PDCL2: variants seen among roughly 807,000 people sequenced by gnomAD.
PDCL2 encodes phosducin like 2.
Under a neutral mutation model 30.3 loss-of-function variants are expected in PDCL2, and 23 were observed. The observed-to-expected ratio is 0.76, with a 90% CI of 0.55 to 1.08. PDCL2 has a LOEUF of 1.08. PDCL2 is among the 50% of genes least tolerant of loss of function. The pLI, the probability that PDCL2 is intolerant of heterozygous loss-of-function variation, is 0.00. For missense variants in PDCL2, 243 were observed against 282.3 expected (o/e 0.86, Z 1.00); for synonymous variants, 68 against 86.2 (o/e 0.79, Z 1.17).
intron 1 of PDCL2, among the ~76,000 whole-genome samples, chr4:55,590,650 C>A (rs28379213): frequency 0.012 from 1,557 of 129,618 alleles, 21 homozygotes; most frequent in African/African-American, 0.039. Flanking sequence ...CAATGTCCAG[C>A]TAATTTTTTT....
intron 3 of PDCL2, among the ~76,000 whole-genome samples, chr4:55,574,076 G>A (rs2110160867): frequency 6.6e-6 from 1 of 152,008 alleles, no homozygotes; most frequent in East Asian, 1.9e-4. Flanking sequence ...CTTTAAATGA[G>A]GAATTTGCTT....
chr4:55,562,609 G>A lies in PDCL2; in HGVS notation c.366C>T (p.Ile122=), dbSNP rs1230058650. Residue 122 remains isoleucine, a synonymous_variant, in exon 5 of 6, where the codon ATC becomes ATT. Coordinates refer to ENST00000295645, the MANE Select transcript of PDCL2 (RefSeq NM_152401.3). ...WVIIHLYRSS[I]PMCLLVNQHL... is the part of the protein sequence containing the mutation. ...GCTGGTTAACCAACAAACACATTGG[G>A]ATGCTAAAAAGAGAAACAGTACACA... 4 of 1,574,182 alleles carry A rather than the reference G, an allele frequency of 2.5e-6. No individual in the cohort carries two copies. In the East Asian group the frequency reaches 6.9e-5, roughly 27 times the overall value.
chr4:55,567,238 A>T (rs1365553017), intron 4 of PDCL2, among the ~76,000 whole-genome samples: 2 of 152,244 alleles, frequency 1.3e-5, no homozygotes, highest in Admixed American at 1.3e-4. Flanking sequence ...GGAGTCATTA[A>T]AATGAGACAG....
intron 5 of PDCL2, among the ~76,000 whole-genome samples, chr4:55,559,393 A>C (rs1309371100): frequency 1.3e-5 from 2 of 152,186 alleles, no homozygotes; most frequent in African/African-American, 2.4e-5. Context: ...TGATTATAGA[A>C]TGCTAGACAG....
At chr4:55,582,619 T>C (rs914953957) in intron 1 of PDCL2, among the ~76,000 whole-genome samples, 2 of 152,184 alleles carry the variant, frequency 1.3e-5, no homozygotes, top group Admixed American at 1.3e-4. Flanking sequence ...TTCTTTTTTT[T>C]ATTATACTTT....
intron 5 of PDCL2, among the ~76,000 whole-genome samples, chr4:55,559,599 T>C (rs965329128): frequency 6.6e-6 from 1 of 152,226 alleles, no homozygotes; most frequent in African/African-American, 2.4e-5. Context: ...GACCAGATAG[T>C]TCTTTTTAAA....
At chr4:55,579,177 CTT>C (rs1017154763) in intron 3 of PDCL2, among the ~76,000 whole-genome samples, 2 of 140,026 alleles carry the variant, frequency 1.4e-5, no homozygotes, top group Non-Finnish European at 1.6e-5. Context: ...ACTCCTGGGA[CTT>C]TTTTTTTTTT....
Position 55,556,808 on chromosome 4 carries a change from T to A in PDCL2, c.572-97A>T, listed in dbSNP as rs1731980549. The A allele has an allele frequency of 8.4e-6, 8 of 957,080 alleles. No individual in the cohort carries two copies. In the South Asian group the frequency reaches 1.9e-4, roughly 23 times the overall value. 59.3% of individuals were successfully genotyped at this position (957,080 alleles called of 1,614,324 possible). A position where few individuals can be genotyped will look rare whatever the true frequency, so the allele number is the denominator to read the frequency against. ...GAGTTGACTCTTAGTAATATTACCA[T>A]GGAAATGATGATATATTTATTTATA... On this transcript the variant is annotated intron_variant, in intron 5 of 5. Transcript: ENST00000295645.
Position 55,562,504 on chromosome 4 carries a change from A to C in PDCL2, c.471T>G (p.His157Gln). ...CAAAAATTGTTGGTAAACAATTGTC[A>C]TGGTAGTGTTGAATACAGCTATTCA... ...AIVNSCIQHY[H>Q]DNCLPTIFVY... Residue 157 changes from histidine to glutamine, a missense_variant, in exon 5 of 6, where the codon CAT (histidine) becomes CAG (glutamine). Transcript: ENST00000295645. The C allele has an allele frequency of 6.3e-7, 1 of 1,583,916 alleles. No individual in the cohort carries two copies.
At chr4:55,573,075 T>C (rs1483212278) in intron 3 of PDCL2, among the ~76,000 whole-genome samples, 2 of 152,134 alleles carry the variant, frequency 1.3e-5, no homozygotes, top group Non-Finnish European at 2.9e-5. Flanking sequence ...TCTACTTCTT[T>C]CCCCACTTAA....
chr4:55,580,271 C>T (rs1200544801), intron 3 of PDCL2, among the ~76,000 whole-genome samples: 3 of 152,148 alleles, frequency 2.0e-5, no homozygotes, highest in Non-Finnish European at 2.9e-5. Flanking sequence ...TTTGTGTTTA[C>T]AGTCATGAGG....
intron 5 of PDCL2, among the ~76,000 whole-genome samples, chr4:55,558,938 A>G (rs956611988): frequency 6.6e-6 from 1 of 152,206 alleles, no homozygotes; most frequent in African/African-American, 2.4e-5. Context: ...ACGCACTCTT[A>G]TAAATCAATG....
At position 55,568,020 on chromosome 4, in the gene PDCL2, T is replaced by G. The variant is rs577814015; in HGVS notation, c.362+1698A>C. 7.0e-4 allele frequency among the ~76,000 whole-genome samples: 107 copies of G among 152,368 alleles called. 1 individual carries two copies. The highest frequency in any genetic ancestry group is 1.2e-3 in the Non-Finnish European group (83 of 68,034). On this transcript the variant is annotated intron_variant, in intron 4 of 5. Coordinates refer to ENST00000295645, the MANE Select transcript of PDCL2 (RefSeq NM_152401.3). ...GGGGCATTTTCTTTTATGGGGCATG[T>G]TGTCCTGTCAAAATTTGACTCAGGA...
At chr4:55,591,689 G>A (rs1733006425) in intron 1 of PDCL2, among the ~76,000 whole-genome samples, 1 of 152,148 alleles carries the variant, frequency 6.6e-6, no homozygotes, top group Non-Finnish European at 1.5e-5. Context: ...AAACTCTAGG[G>A]ACATATGGTA....
intron 5 of PDCL2, among the ~76,000 whole-genome samples, chr4:55,559,389 T>C (rs1392159687): frequency 1.3e-5 from 2 of 152,190 alleles, no homozygotes; most frequent in East Asian, 3.8e-4. Flanking sequence ...TAGCTGATTA[T>C]AGAATGCTAG....
At chr4:55,562,652 G>A in intron 4 of PDCL2, 40 bp from the exon 5 acceptor site, 1 of 1,382,794 alleles carries the variant, frequency 7.2e-7, no homozygotes, top group Non-Finnish European at 9.8e-7. Context: ...TAATAAATGG[G>A]CTACTCATCT....
In PDCL2 at chr4:55,587,621, C is replaced by A. The variant is rs138976510; in HGVS notation, c.6+4483G>T. 2.8e-4 allele frequency among the ~76,000 whole-genome samples: 42 copies of A among 151,230 alleles called. No individual in the cohort carries two copies. The East Asian group carries it at 6.8e-3, about 24-fold the overall frequency. The stretch of plus-strand genomic sequence containing the variant: ...TTGCTCAGGATGGAGTGCAGTGGAG[C>A]AATCTCGGCTCACTGAGAATTCTTC... On this transcript the variant is annotated intron_variant, in intron 1 of 5. Transcript: ENST00000295645.
In PDCL2 at chr4:55,582,819, A is replaced by T. The variant is rs545365062; in HGVS notation, c.7-582T>A. On this transcript the variant is annotated intron_variant, in intron 1 of 5. Transcript: ENST00000295645. ...CCCCTTCCCGTGTCCAAGTGTTCTC[A>T]TTGTTCAATTCCCACCTATGAGTGA... Among the ~76,000 whole-genome samples, 66 of 132,832 alleles carry T rather than the reference A, an allele frequency of 5.0e-4. 3 individuals carry two copies. The South Asian group carries it at 0.014, about 28-fold the overall frequency. The allele number at this position is 132,832 out of a possible 152,430, so 87.1% of individuals were successfully genotyped here.
At chr4:55,572,774 T>G (rs1303144877) in intron 3 of PDCL2, among the ~76,000 whole-genome samples, 2 of 152,184 alleles carry the variant, frequency 1.3e-5, no homozygotes, top group Non-Finnish European at 2.9e-5. Flanking sequence ...TTCTTTTTTT[T>G]CTTTGGGATG....
Sources: gnomAD v4.1 joint callset for allele counts (sites outside exome capture counted in the v4.1 genomes callset) on GRCh38, gnomAD v4.1.1 for gene constraint, MANE v1.5 for transcripts, NCBI Gene and HGNC (gene_info 2026-07-23, HGNC 2026-07-21) for gene names.